Variants in ZNF276 observed in about 807,000 individuals in gnomAD.
The protein encoded by ZNF276 is centromere protein Z.
ZNF276 carries 59 observed loss-of-function variants against 63.9 expected under a neutral mutation model. The observed-to-expected ratio is 0.92, with a 90% CI of 0.75 to 1.15. The LOEUF (loss-of-function observed/expected upper bound fraction) is 1.15, where lower values mean the gene tolerates loss of function less well. Among genes scored for constraint, ZNF276 ranks in the 50% most tolerant of loss-of-function variants. The pLI, the probability that ZNF276 is intolerant of heterozygous loss-of-function variation, is 0.00. For missense variants in ZNF276, 1,084 were observed against 843.8 expected (o/e 1.28, Z -3.53); for synonymous variants, 496 against 348.4 (o/e 1.42, Z -4.72).
intron 9 of ZNF276, chr16:89,737,520 C>CAAA (rs200766262): frequency 9.1e-5 from 32 of 351,950 alleles, no homozygotes; most frequent in East Asian, 1.5e-4. Context: ...AACTCCATCT[C>CAAA]AAAAAAAAAA....
intron 6 of ZNF276, among the ~76,000 whole-genome samples, chr16:89,730,333 CA>C (rs765953757): frequency 1.3e-5 from 2 of 152,172 alleles, no homozygotes; most frequent in Non-Finnish European, 2.9e-5. Flanking sequence ...CGGAAGCCCC[CA>C]CTCCGTGACC....
chr16:89,734,757 C>G (rs996134646), intron 9 of ZNF276, among the ~76,000 whole-genome samples: 3 of 152,006 alleles, frequency 2.0e-5, no homozygotes, highest in Non-Finnish European at 4.4e-5. Context: ...AGACCGGAGG[C>G]GGATGGGGGA....
In ZNF276 at chr16:89,740,919, T is replaced by C; in HGVS notation, c.*2673T>C. ...TACATTAAAATTACCTGTGCTGTCA[T>C]TCTAAATAAGGCTGACACATTCCTC... is the stretch of plus-strand genomic sequence containing the variant. On this transcript the variant is annotated 3_prime_UTR_variant, in exon 11 of 11. Transcript: ENST00000443381. 6.8e-7 allele frequency: 1 copy of C among 1,479,934 alleles called. No homozygotes were observed. The highest frequency in any genetic ancestry group is 9.3e-7 in the Non-Finnish European group (1 of 1,073,688). The allele number at this position is 1,479,934 out of a possible 1,614,324, so 91.7% of individuals were successfully genotyped here. A position where few individuals can be genotyped will look rare whatever the true frequency, so the allele number is the denominator to read the frequency against.
At chr16:89,722,150 G>A (rs1390430951) in intron 1 of ZNF276, among the ~76,000 whole-genome samples, 1 of 152,184 alleles carries the variant, frequency 6.6e-6, no homozygotes, top group Non-Finnish European at 1.5e-5. Context: ...GCCCTCCCCT[G>A]CTTCGTGCCC....
At chr16:89,737,552 A>T in intron 9 of ZNF276, 1 of 549,152 alleles carries the variant, frequency 1.8e-6, no homozygotes, top group Non-Finnish European at 3.0e-6. Flanking sequence ...TCTGTGGTTA[A>T]GGAAATAGCT....
intron 4 of ZNF276, among the ~76,000 whole-genome samples, chr16:89,724,063 G>T (rs1468230607): frequency 6.6e-6 from 1 of 152,244 alleles, no homozygotes; most frequent in Non-Finnish European, 1.5e-5. Flanking sequence ...GAAAAGAATG[G>T]CCGTTGCCTC....
At chr16:89,723,863 C>T (rs879886244) in intron 4 of ZNF276, among the ~76,000 whole-genome samples, 154 bp downstream of exon 4, 1 of 152,242 alleles carries the variant, frequency 6.6e-6, no homozygotes, top group Non-Finnish European at 1.5e-5. Context: ...TGCGGCTGCT[C>T]ACCACATCCA....
At chr16:89,735,028 A>T (rs191455979) in intron 9 of ZNF276, among the ~76,000 whole-genome samples, 1 of 151,934 alleles carries the variant, frequency 6.6e-6, no homozygotes, top group African/African-American at 2.4e-5. Context: ...GTGTGGTGGC[A>T]CACGCCTGTA....
At position 89,723,352 on chromosome 16, in the gene ZNF276, C is replaced by T; in HGVS notation, c.649C>T (p.Gln217Ter). The T allele has an allele frequency of 6.2e-7, 1 of 1,613,058 alleles. No homozygotes were observed. Among genetic ancestry groups the T allele is most frequent in the Non-Finnish European group, 8.5e-7 (1 of 1,180,036 alleles). Residue 217 changes from glutamine (Q) to a stop codon, truncating the protein, a stop_gained, in exon 4 of 11, where the codon CAG becomes TAG. Transcript: ENST00000443381. LOFTEE classifies it high-confidence loss of function. ...AASCGALPHL[Q>*]RTLSSEYCGV... ...CAGCTGCGGGGCCCTGCCCCACCTT[C>T]AGAGGACACTGTCCTCCGAGTACTG...
At position 89,739,201 on chromosome 16, in the gene ZNF276, G is replaced by C. The variant is rs2062056417; in HGVS notation, c.*955G>C. On this transcript the variant is annotated 3_prime_UTR_variant, in exon 11 of 11. Coordinates refer to ENST00000443381, the MANE Select transcript of ZNF276 (RefSeq NM_001113525.2). ...GTGCTTGTATCCCCAGCCACGAAGA[G>C]CTGGACCAGCTTCAAGTACATGTCC... The C allele has an allele frequency of 6.2e-7, 1 of 1,614,054 alleles. No individual in the cohort carries two copies. The highest frequency in any genetic ancestry group is 1.3e-5 in the African/African-American group (1 of 74,948).
At position 89,725,110 on chromosome 16, in the gene ZNF276, C is replaced by T. The variant is rs182676859; in HGVS notation, c.1006+1401C>T. Among the ~76,000 whole-genome samples the T allele has an allele frequency of 2.9e-4, 44 of 149,304 alleles. 1 individual carries two copies. The highest frequency in any genetic ancestry group is 1.0e-3 in the Admixed American group (15 of 14,938). ...TGTATTTTTAGTAGAGATGGGGTTT[C>T]ACCATGTGGGCCAGGCTTGGTCTCG... is the stretch of plus-strand genomic sequence containing the variant. On this transcript the variant is annotated intron_variant, in intron 4 of 10. Transcript: ENST00000443381.
At chr16:89,722,464 G>T in intron 1 of ZNF276, 67 bp from the exon 2 acceptor site, 1 of 1,515,738 alleles carries the variant, frequency 6.6e-7, no homozygotes, top group Non-Finnish European at 8.9e-7. Flanking sequence ...CGGACCTGGA[G>T]TCCGGGACGC....
In ZNF276 at chr16:89,740,718, A is replaced by T. The variant is rs1360159200; in HGVS notation, c.*2472A>T. ...ACAAGGAGCTCCTGAGCTAGTCTGGAAACCCTGACTTGGAAGCTGGCTGCC... is the reference window on the plus strand; with the variant it reads ...ACAAGGAGCTCCTGAGCTAGTCTGGTAACCCTGACTTGGAAGCTGGCTGCC... On this transcript the variant is annotated 3_prime_UTR_variant, in exon 11 of 11. Coordinates refer to ENST00000443381, the MANE Select transcript of ZNF276 (RefSeq NM_001113525.2). 2 of 1,134,144 alleles carry T rather than the reference A, an allele frequency of 1.8e-6. No homozygotes were observed. The highest frequency in any genetic ancestry group is 3.1e-5 in the African/African-American group (2 of 64,878). The allele number at this position is 1,134,144 out of a possible 1,614,324, so 70.3% of individuals were successfully genotyped here.
intron 6 of ZNF276, among the ~76,000 whole-genome samples, chr16:89,730,811 C>T (rs1364604876): frequency 6.6e-6 from 1 of 152,200 alleles, no homozygotes; most frequent in Non-Finnish European, 1.5e-5. Context: ...CCGTGTGCTG[C>T]CTCCCAGTCT....
Position 89,738,129 on chromosome 16 carries a change from G to A in ZNF276, c.1728G>A (p.Val576=), listed in dbSNP as rs1394367590. Residue 576 remains valine, a synonymous_variant, in exon 11 of 11, where the codon GTG becomes GTA. Transcript: ENST00000443381. ...AHNLNVHMSM[V]HPLTQTQDKA... ...ACCTCAATGTACACATGTCCATGGT[G>A]CACCCGCTGACACAGACCCAGGACA... is the stretch of plus-strand genomic sequence containing the variant. 1.2e-6 allele frequency: 2 copies of A among 1,613,624 alleles called. No homozygotes were observed. The highest frequency in any genetic ancestry group is 1.3e-5 in the African/African-American group (1 of 74,922).
intron 9 of ZNF276, among the ~76,000 whole-genome samples, chr16:89,735,698 G>A (rs1003811157): frequency 1.3e-5 from 2 of 152,016 alleles, no homozygotes; most frequent in African/African-American, 2.4e-5. Context: ...TAGTGAGGCC[G>A]TCTTTACCAA....
At chr16:89,723,113 C>A in intron 2 of ZNF276, 24 bp from the exon 3 acceptor site, 1 of 1,613,162 alleles carries the variant, frequency 6.2e-7, no homozygotes, top group Non-Finnish European at 8.5e-7. Context: ...TTGTCCTGCT[C>A]ATGGCCACAC....
upstream of ZNF276, chr16:89,720,843 C>A: frequency 7.0e-7 from 1 of 1,425,558 alleles, no homozygotes; most frequent in Non-Finnish European, 9.2e-7. Flanking sequence ...ACCGTGCCGT[C>A]CCCGGCCGCA....
At chr16:89,737,674 G>A (rs1567587527) in intron 9 of ZNF276, 132 bp from the exon 10 acceptor site, 2 of 1,522,814 alleles carry the variant, frequency 1.3e-6, no homozygotes, top group Non-Finnish European at 1.8e-6. Flanking sequence ...TAGGCCCCTT[G>A]CTTGGGCCCA....
Sources: gnomAD v4.1 joint callset for allele counts (sites outside exome capture counted in the v4.1 genomes callset) on GRCh38, gnomAD v4.1.1 for gene constraint, MANE v1.5 for transcripts, NCBI Gene and HGNC (gene_info 2026-07-23, HGNC 2026-07-21) for gene names.